Variants in BEND3 observed in about 807,000 individuals in gnomAD.
BEND3 encodes the protein BEN domain containing 3, also known as BEN domain-containing protein 3.
A neutral mutation model predicts 60.1 loss-of-function variants in BEND3; 13 were observed. The observed-to-expected ratio is 0.22, with a 90% CI of 0.14 to 0.34. The LOEUF is 0.34. BEND3 is among the 10% of genes least tolerant of loss of function. BEND3 has a pLI of 1.00. For synonymous variants in BEND3, 497 were observed against 491.5 expected (o/e 1.01, Z -0.15); for missense variants, 896 against 1,138.1 (o/e 0.79, Z 3.06).
intron 3 of BEND3, among the ~76,000 whole-genome samples, chr6:107,084,902 C>T (rs1775309181): frequency 6.6e-6 from 1 of 152,344 alleles, no homozygotes; most frequent in East Asian, 1.9e-4. Flanking sequence ...TAAAAGCTGG[C>T]CACCCAAGCC....
chr6:107,103,972 A>C (rs1775758636), intron 1 of BEND3, among the ~76,000 whole-genome samples: 1 of 143,698 alleles, frequency 7.0e-6, no homozygotes, highest in Admixed American at 6.7e-5. Context: ...AGAAAGAAAG[A>C]AAGAAAGAAA....
chr6:107,073,892 A>G (rs1554232426), intron 3 of BEND3, among the ~76,000 whole-genome samples: 1 of 152,126 alleles, frequency 6.6e-6, no homozygotes, highest in African/African-American at 2.4e-5. Flanking sequence ...TCTCAGAAAG[A>G]AAAAGAAAAG....
chr6:107,069,399 T>C lies in BEND3; in HGVS notation c.1792A>G (p.Ser598Gly). The C allele has an allele frequency of 2.5e-6, 4 of 1,612,598 alleles. No homozygotes were observed. The highest frequency in any genetic ancestry group is 3.4e-6 in the Non-Finnish European group (4 of 1,179,786). Reference protein sequence around the residue: ...HENLRKQYNCSGSLGKKQLDP... With the variant: ...HENLRKQYNCGGSLGKKQLDP... ...AGCTGCTTCTTGCCCAGGGAGCCGC[T>C]GCAGTTGTACTGCTTGCGCAGGTTC... The change falls in exon 4 of 4, where the codon AGC becomes GGC. Residue 598 changes from serine to glycine, a missense_variant. Physicochemically the swap from Ser to Gly is moderately conservative, Grantham distance 56. This residue lies in a region of BEND3 where 846 missense variants were observed against 1,036.7 expected (regional missense o/e 0.82). Transcript: ENST00000369042.
At chr6:107,089,432 C>T (rs1775425019) in intron 3 of BEND3, among the ~76,000 whole-genome samples, 1 of 150,806 alleles carries the variant, frequency 6.6e-6, no homozygotes, top group Non-Finnish European at 1.5e-5. Flanking sequence ...AATACAAAAA[C>T]AAAATTAGCC....
intron 3 of BEND3, among the ~76,000 whole-genome samples, chr6:107,075,110 TA>T (rs1554232605): frequency 1.3e-5 from 2 of 149,780 alleles, no homozygotes; most frequent in Non-Finnish European, 3.0e-5. Flanking sequence ...AGGGAAGGAT[TA>T]GCCACTAGGG....
At chr6:107,105,564 T>C (rs1009486631) in intron 1 of BEND3, among the ~76,000 whole-genome samples, 11 of 152,048 alleles carry the variant, frequency 7.2e-5, no homozygotes, top group African/African-American at 9.7e-5. Flanking sequence ...GAATAGTCAG[T>C]TGCTGTGGAG....
At chr6:107,083,348 G>A (rs188323146) in intron 3 of BEND3, among the ~76,000 whole-genome samples, 24 of 152,258 alleles carry the variant, frequency 1.6e-4, no homozygotes, top group Non-Finnish European at 3.1e-4. Flanking sequence ...GGCCAGGCAC[G>A]GTGGCTCATG....
At chr6:107,099,437 C>A in intron 1 of BEND3, 141 bp from the exon 2 acceptor site, 1 of 699,986 alleles carries the variant, frequency 1.4e-6, no homozygotes, top group Non-Finnish European at 2.4e-6. Flanking sequence ...GCTATGTGTC[C>A]TCCTAATCTT....
intron 1 of BEND3, among the ~76,000 whole-genome samples, 176 bp from the exon 2 acceptor site, chr6:107,099,472 A>C (rs1775660498): frequency 6.6e-6 from 1 of 152,206 alleles, no homozygotes; most frequent in African/African-American, 2.4e-5. Flanking sequence ...AGGAGCAGCC[A>C]GGCCTTGTGC....
At chr6:107,089,400 G>T (rs1199628929) in intron 3 of BEND3, among the ~76,000 whole-genome samples, 1 of 151,442 alleles carries the variant, frequency 6.6e-6, no homozygotes, top group Non-Finnish European at 1.5e-5. Context: ...GGCTAACACG[G>T]TGAAACCCCA....
rs782455575 is a variant in BEND3 at position 107,070,756 on chromosome 6, G to A, written c.435C>T (p.Pro145=). Residue 145 remains proline, a synonymous_variant, in exon 4 of 4, where the codon CCC becomes CCT. Coordinates refer to ENST00000369042, the MANE Select transcript of BEND3 (RefSeq NM_001367314.1). This position sits in a 1 kb window ranked among gnomAD's most constrained non-coding sequence, Gnocchi z 6.9. ...CGTACACGTTTAGCAGGTCCCCCGA[G>A]GGAGGATTCTTCTTCTCCATGATCT... ...SHKIMEKKNP[P]SGDLLNVYEL... 4.6e-5 allele frequency: 75 copies of A among 1,614,008 alleles called. No homozygotes were observed. The South Asian group carries it at 7.6e-4, about 16-fold the overall frequency.
intron 3 of BEND3, among the ~76,000 whole-genome samples, chr6:107,093,737 C>T (rs1775524759): frequency 6.6e-6 from 1 of 152,118 alleles, no homozygotes; most frequent in Non-Finnish European, 1.5e-5. Flanking sequence ...TTACAAAAAT[C>T]AACTCAAAAG....
intron 3 of BEND3, among the ~76,000 whole-genome samples, chr6:107,084,665 C>T (rs1775303939): frequency 6.6e-6 from 1 of 151,620 alleles, no homozygotes; most frequent in Admixed American, 6.6e-5. Context: ...CCAATCAGCA[C>T]TCTGTAAAAC....
chr6:107,099,319 T>C, intron 1 of BEND3, 23 bp from the exon 2 acceptor site: 1 of 1,585,770 alleles, frequency 6.3e-7, no homozygotes, highest in Non-Finnish European at 8.6e-7. Flanking sequence ...ACAAAGACAA[T>C]GTGTTGACTT....
Position 107,098,722 on chromosome 6 carries a change from T to A in BEND3, c.69A>T (p.Thr23=). ...VLKSITVKVE[T]EAEDAALDCS... ...AGTCCAGAGCAGCATCTTCAGCCTC[T>A]GTCTCCACTTTCACAGTGATACTTT... The change falls in exon 3 of 4, where the codon ACA becomes ACT. Residue 23 remains threonine (T), a synonymous_variant. Transcript: ENST00000369042. 1 of 1,614,110 alleles carries A rather than the reference T, an allele frequency of 6.2e-7. No homozygotes were observed.
intron 1 of BEND3, among the ~76,000 whole-genome samples, chr6:107,108,230 C>G (rs769758790): frequency 1.3e-5 from 2 of 152,164 alleles, no homozygotes; most frequent in African/African-American, 2.4e-5. Context: ...CAACCCTGCC[C>G]GCGCGCCTGT....
rs898932246 is a variant in BEND3 at position 107,066,680 on chromosome 6, T to C, written c.*2024A>G. On this transcript the variant is annotated 3_prime_UTR_variant, in exon 4 of 4. Transcript: ENST00000369042. ...ATCCTAGAAACCAGAACAAATTCCA[T>C]GGGACCTCCCGCCTCCAGCCCCCAA... 1.3e-5 allele frequency: 2 copies of C among 152,534 alleles called. No individual in the cohort carries two copies. Among genetic ancestry groups the C allele is most frequent in the Non-Finnish European group, 2.9e-5 (2 of 68,040 alleles). The allele number at this position is 152,534 out of a possible 1,614,324, so 9.4% of individuals were successfully genotyped here.
rs192383021 is a variant in BEND3 at position 107,068,429 on chromosome 6, C to G, written c.*275G>C. 3.3e-3 allele frequency: 1,378 copies of G among 420,738 alleles called. 29 individuals carry two copies. Among genetic ancestry groups the G allele is most frequent in the South Asian group, 0.028 (765 of 27,216 alleles). 26.1% of individuals were successfully genotyped at this position (420,738 alleles called of 1,614,324 possible). On this transcript the variant is annotated 3_prime_UTR_variant, in exon 4 of 4. Transcript: ENST00000369042. The surrounding 1 kb of genome is among the most constrained non-coding windows in gnomAD (Gnocchi z 5.8). ...CAACCAGGGAGAGAGGACCCCTAAC[C>G]TCTGGTCCCTGCCCTCACAGCTTGC...
rs782388171 is a variant in BEND3 at position 107,069,159 on chromosome 6, C to G, written c.2032G>C (p.Glu678Gln). ...RDLTSYAINP[E>Q]RFREEFEGPP... is the part of the protein sequence containing the mutation. ...CCCTCAAACTCCTCCCGGAACCTCT[C>G]GGGGTTGATTGCATAGCTGGTCAAG... is the stretch of plus-strand genomic sequence containing the variant. The change falls in exon 4 of 4, where the codon GAG (glutamate) becomes CAG (glutamine). Residue 678 changes from glutamate (E) to glutamine (Q), a missense_variant. Transcript: ENST00000369042. 3 of 1,612,648 alleles carry G rather than the reference C, an allele frequency of 1.9e-6. No homozygotes were observed. In the Admixed American group the frequency reaches 5.0e-5, roughly 27 times the overall value.
Sources: gnomAD v4.1 joint callset for allele counts (sites outside exome capture counted in the v4.1 genomes callset) on GRCh38, gnomAD v4.1.1 for gene constraint, gnomAD v4.1.1 regional missense constraint, Gnocchi (gnomAD v3.1) non-coding constraint, MANE v1.5 for transcripts, NCBI Gene and HGNC (gene_info 2026-07-23, HGNC 2026-07-21) for gene names.